UHRF2: variants seen among roughly 807,000 people sequenced by gnomAD.
UHRF2 encodes ubiquitin like with PHD and ring finger domains 2.
In UHRF2, 23 loss-of-function variants were observed where a neutral mutation model predicts 96.8. The observed-to-expected ratio is 0.24, with a 90% CI of 0.17 to 0.34. The LOEUF is 0.34. Among genes scored for constraint, UHRF2 ranks in the 10% least tolerant of loss-of-function variants. UHRF2 has a pLI of 1.00. For missense variants in UHRF2, 685 were observed against 981.5 expected (o/e 0.70, Z 4.04); for synonymous variants, 385 against 332.6 (o/e 1.16, Z -1.72).
At chr9:6,470,961 A>C (rs1823208827) in intron 4 of UHRF2, among the ~76,000 whole-genome samples, 1 of 152,248 alleles carries the variant, frequency 6.6e-6, no homozygotes, top group Non-Finnish European at 1.5e-5. Flanking sequence ...CAAGCATTTC[A>C]AGACAATGAT....
intron 4 of UHRF2, among the ~76,000 whole-genome samples, chr9:6,463,138 G>C (rs2130854747): frequency 6.6e-6 from 1 of 152,174 alleles, no homozygotes; most frequent in Non-Finnish European, 1.5e-5. Flanking sequence ...AAAATTAGCT[G>C]GGTGCGGTGT....
intron 13 of UHRF2, among the ~76,000 whole-genome samples, 193 bp from the exon 14 acceptor site, chr9:6,500,359 G>T (rs1816223203): frequency 6.6e-6 from 1 of 152,138 alleles, no homozygotes; most frequent in Non-Finnish European, 1.5e-5. Flanking sequence ...GGTAGAAGAT[G>T]GATCTTTTGT....
intron 3 of UHRF2, among the ~76,000 whole-genome samples, chr9:6,445,947 T>C (rs911172107): frequency 6.6e-6 from 1 of 150,852 alleles, no homozygotes; most frequent in South Asian, 2.1e-4. Flanking sequence ...TAAAGACAGG[T>C]TGTTTTGGTA....
chr9:6,428,808 CA>C (rs1170821512), intron 2 of UHRF2, among the ~76,000 whole-genome samples: 2 of 152,054 alleles, frequency 1.3e-5, no homozygotes, highest in African/African-American at 4.8e-5. Flanking sequence ...CACTTCCTCC[CA>C]AAGTGCTGGG....
chr9:6,439,924 A>G (rs1038305989), intron 3 of UHRF2, among the ~76,000 whole-genome samples: 1 of 152,206 alleles, frequency 6.6e-6, no homozygotes, highest in African/African-American at 2.4e-5. Flanking sequence ...AGGCAATTAT[A>G]AATCATTAAG....
intron 2 of UHRF2, among the ~76,000 whole-genome samples, chr9:6,433,299 C>G (rs889167695): frequency 2.0e-5 from 3 of 152,136 alleles, no homozygotes; most frequent in Non-Finnish European, 4.4e-5. Flanking sequence ...CATTTTGTGT[C>G]TTACGCCCTG....
intron 6 of UHRF2, 144 bp downstream of exon 6, chr9:6,477,952 C>A: frequency 1.5e-6 from 1 of 663,418 alleles, no homozygotes; most frequent in Non-Finnish European, 2.4e-6. Flanking sequence ...GCATTCATAG[C>A]TCTATTCAAT....
In UHRF2 at chr9:6,486,904, T is replaced by C. The variant is rs1401685459; in HGVS notation, c.1476T>C (p.Ala492=). ...SNDGAYSLVL[A]GGFADEVDRG... is the part of the protein sequence containing the mutation. ...ATGGGGCTTATTCTCTTGTACTGGC[T>C]GGTGGATTTGCGGATGAAGTCGTAA... is the stretch of plus-strand genomic sequence containing the variant. Residue 492 remains alanine (A), a synonymous_variant, in exon 9 of 16, where the codon GCT becomes GCC. Transcript: ENST00000276893. The C allele has an allele frequency of 8.7e-6, 14 of 1,614,134 alleles. No individual in the cohort carries two copies. The highest frequency in any genetic ancestry group is 1.2e-5 in the Non-Finnish European group (14 of 1,179,986).
At chr9:6,448,784 A>G (rs1291565548) in intron 3 of UHRF2, among the ~76,000 whole-genome samples, 1 of 152,244 alleles carries the variant, frequency 6.6e-6, no homozygotes, top group Non-Finnish European at 1.5e-5. Flanking sequence ...AGGTTGTGGC[A>G]GTAGACAGAC....
intron 3 of UHRF2, among the ~76,000 whole-genome samples, chr9:6,437,689 G>C (rs7871134): frequency 0.7 from 107,112 of 151,968 alleles, 40,086 homozygotes; most frequent in South Asian, 0.82. Flanking sequence ...GCGATCTCAG[G>C]TCACTGCAAC....
intron 14 of UHRF2, among the ~76,000 whole-genome samples, chr9:6,502,172 C>T (rs1387557059): frequency 1.3e-5 from 2 of 152,118 alleles, no homozygotes; most frequent in Non-Finnish European, 2.9e-5. Flanking sequence ...TATTTATGTC[C>T]AAACTCCTTC....
At position 6,496,865 on chromosome 9, in the gene UHRF2, G is replaced by A. The variant is rs79870962; in HGVS notation, c.1605-333G>A. ...AAATCATTTGCTTTAGTTTTCCAAC[G>A]TTCTCCCTTCCCCCAACAAACGTTA... On this transcript the variant is annotated intron_variant, in intron 10 of 15. Transcript: ENST00000276893. 15 of 181,682 alleles carry A rather than the reference G, an allele frequency of 8.3e-5. No homozygotes were observed. The East Asian group carries it at 1.5e-3, about 18-fold the overall frequency. The allele number at this position is 181,682 out of a possible 1,614,324, so 11.3% of individuals were successfully genotyped here.
intron 6 of UHRF2, among the ~76,000 whole-genome samples, chr9:6,479,536 G>A (rs1298911343): frequency 1.3e-5 from 2 of 152,018 alleles, no homozygotes; most frequent in South Asian, 4.1e-4. Context: ...TTCCCTAGAT[G>A]ATCTCGTCCA....
intron 3 of UHRF2, among the ~76,000 whole-genome samples, chr9:6,456,297 C>CT (rs1254225182): frequency 6.6e-6 from 1 of 152,098 alleles, no homozygotes; most frequent in Non-Finnish European, 1.5e-5. Flanking sequence ...TGATGATGAG[C>CT]TTTTTTTCAT....
chr9:6,449,510 C>T (rs1821724542), intron 3 of UHRF2: 1 of 152,164 alleles, frequency 6.6e-6, no homozygotes, highest in Non-Finnish European at 1.5e-5. Flanking sequence ...GTCTGTTTCC[C>T]AGAGTATCCA....
chr9:6,501,766 C>T (rs1367657540), intron 14 of UHRF2, among the ~76,000 whole-genome samples: 1 of 152,202 alleles, frequency 6.6e-6, no homozygotes, highest in Non-Finnish European at 1.5e-5. Context: ...TTTGTTAGGT[C>T]ACACTCATTT....
chr9:6,468,262 G>T (rs1443116424), intron 4 of UHRF2: 4 of 354,414 alleles, frequency 1.1e-5, no homozygotes, highest in Non-Finnish European at 2.2e-5. Context: ...TAACAAAAAT[G>T]GTACATAAGT....
At chr9:6,467,673 AG>A (rs1267978035) in intron 4 of UHRF2, among the ~76,000 whole-genome samples, 3 of 148,424 alleles carry the variant, frequency 2.0e-5, no homozygotes, top group Non-Finnish European at 4.4e-5. Flanking sequence ...TTGGGCTGAC[AG>A]AAGTTGAATT....
intron 3 of UHRF2, among the ~76,000 whole-genome samples, chr9:6,436,009 T>C (rs985927626): frequency 3.3e-5 from 5 of 152,188 alleles, no homozygotes; most frequent in Admixed American, 2.0e-4. Flanking sequence ...ATTTAAAAAA[T>C]TGTAGTACGA....
Sources: gnomAD v4.1 joint callset for allele counts (sites outside exome capture counted in the v4.1 genomes callset) on GRCh38, gnomAD v4.1.1 for gene constraint, MANE v1.5 for transcripts, NCBI Gene and HGNC (gene_info 2026-07-23, HGNC 2026-07-21) for gene names.